AOAH: variants seen among roughly 807,000 people sequenced by gnomAD.
AOAH encodes acyloxyacyl hydrolase (neutrophil).
In AOAH, 64 loss-of-function variants were observed where a neutral mutation model predicts 92.2. The ratio of observed to expected loss-of-function variants is 0.69; its 90% CI spans 0.57 to 0.86. The LOEUF is 0.86. Ranked by LOEUF, AOAH falls within the 40% of genes least tolerant of loss-of-function variation. The probability of loss-of-function intolerance (pLI) is 0.00; values close to 1 mark genes in which losing one functional copy is unlikely to be tolerated. For synonymous variants in AOAH, 263 were observed against 254.5 expected (o/e 1.03, Z -0.32); for missense variants, 656 against 694.6 (o/e 0.94, Z 0.62).
chr7:36,600,941 T>C (rs757563370), intron 11 of AOAH, among the ~76,000 whole-genome samples: 90 of 152,200 alleles, frequency 5.9e-4, no homozygotes, highest in Admixed American at 3.7e-3. Flanking sequence ...AATGAATATT[T>C]TGGGGAAAAA....
At chr7:36,610,236 C>T (rs1328965253) in intron 11 of AOAH, among the ~76,000 whole-genome samples, 4 of 148,862 alleles carry the variant, frequency 2.7e-5, no homozygotes, top group Non-Finnish European at 4.4e-5. Flanking sequence ...TTGCATGGCC[C>T]CTGAAAAGGT....
chr7:36,536,085 T>C (rs1032476717), intron 16 of AOAH, among the ~76,000 whole-genome samples: 14 of 152,164 alleles, frequency 9.2e-5, no homozygotes, highest in Non-Finnish European at 1.6e-4. Context: ...CACCCCCTTG[T>C]CCCTGGCAGG....
chr7:36,589,670 T>A (rs991248355), intron 12 of AOAH, among the ~76,000 whole-genome samples: 47 of 152,346 alleles, frequency 3.1e-4, no homozygotes, highest in Middle Eastern at 3.4e-3. Flanking sequence ...GAATGCTAAA[T>A]GTTCCACCTG....
rs1021937855 is a variant in AOAH, at chr7:36,516,933, T to C, written c.1600-3553A>G. ...ACTCTAATAAGGAATAAAATATTTA[T>C]GAGCAGGCATTGAGAAAATATTGGG... On this transcript the variant is annotated intron_variant, in intron 20 of 20. Coordinates refer to ENST00000617537, the MANE Select transcript of AOAH (RefSeq NM_001637.4). The surrounding 1 kb of genome is among the most constrained non-coding windows in gnomAD (Gnocchi z 5.0). Among the ~76,000 whole-genome samples, 1 of 152,228 alleles carries C rather than the reference T, an allele frequency of 6.6e-6. No individual in the cohort carries two copies. Among genetic ancestry groups the C allele is most frequent in the African/African-American group, 2.4e-5 (1 of 41,448 alleles).
intron 11 of AOAH, among the ~76,000 whole-genome samples, chr7:36,609,263 A>G (rs1210540994): frequency 1.3e-5 from 2 of 152,144 alleles, no homozygotes; most frequent in Non-Finnish European, 2.9e-5. Flanking sequence ...TTACAACTAG[A>G]ATTTTCCTAG....
At chr7:36,627,040 C>A (rs1792713103) in intron 6 of AOAH, among the ~76,000 whole-genome samples, 1 of 152,200 alleles carries the variant, frequency 6.6e-6, no homozygotes. Context: ...AATGTTCATT[C>A]ATTCATTCCT....
At chr7:36,585,246 C>T (rs1428717422) in intron 12 of AOAH, among the ~76,000 whole-genome samples, 1 of 151,926 alleles carries the variant, frequency 6.6e-6, no homozygotes, top group African/African-American at 2.4e-5. Flanking sequence ...AGGACAAAGA[C>T]AACGGGCGAT....
chr7:36,606,299 A>G (rs1380485111), intron 11 of AOAH, among the ~76,000 whole-genome samples: 1 of 152,200 alleles, frequency 6.6e-6, no homozygotes, highest in Non-Finnish European at 1.5e-5. Context: ...AATCTGATAT[A>G]CAAAATCATC....
chr7:36,541,691 A>G (rs1213971883), intron 15 of AOAH, among the ~76,000 whole-genome samples: 2 of 152,240 alleles, frequency 1.3e-5, no homozygotes, highest in African/African-American at 2.4e-5. Flanking sequence ...GTACCCCCAT[A>G]TCTAAAATAC....
At chr7:36,709,930 G>T (rs764340653) in intron 1 of AOAH, among the ~76,000 whole-genome samples, 1 of 152,080 alleles carries the variant, frequency 6.6e-6, no homozygotes, top group Non-Finnish European at 1.5e-5. Context: ...TTCATCTATT[G>T]ATTTCTATTA....
At chr7:36,605,951 T>A (rs573750990) in intron 11 of AOAH, among the ~76,000 whole-genome samples, 4 of 152,346 alleles carry the variant, frequency 2.6e-5, no homozygotes, top group African/African-American at 9.6e-5. Context: ...GATTGAGGTT[T>A]CTCTCCTCAT....
At chr7:36,716,026 G>C (rs1184079349) in intron 1 of AOAH, among the ~76,000 whole-genome samples, 1 of 152,014 alleles carries the variant, frequency 6.6e-6, no homozygotes, top group Non-Finnish European at 1.5e-5. Flanking sequence ...ACTACCATCA[G>C]AGTGAACAGG....
At chr7:36,521,231 G>C (rs1267035116) in intron 20 of AOAH, among the ~76,000 whole-genome samples, 1 of 152,192 alleles carries the variant, frequency 6.6e-6, no homozygotes, top group Non-Finnish European at 1.5e-5. Context: ...GGAGCAGAAA[G>C]GCTCTAGTGA....
chr7:36,635,574 G>C (rs563604620), intron 5 of AOAH, among the ~76,000 whole-genome samples: 1 of 151,984 alleles, frequency 6.6e-6, no homozygotes, highest in African/African-American at 2.4e-5. Context: ...TCTATTGAGC[G>C]GGTGGGTTTG....
Position 36,594,381 on chromosome 7 carries a change from G to A in AOAH, c.896C>T (p.Pro299Leu). ...AAATCCTGTAGCACCAGAGAGTTGG[G>A]GCCAGTCAAGCTCGTTGGTAAGGGC... ...PTALTNELDW[P>L]QLSGATGFLD... The change falls in exon 12 of 21, where the codon CCC becomes CTC. Residue 299 changes from proline (P) to leucine (L), a missense_variant. Pro to Leu is a moderately conservative substitution (Grantham distance 98). Transcript: ENST00000617537. 1.2e-6 allele frequency: 2 copies of A among 1,614,038 alleles called. No homozygotes were observed. Among genetic ancestry groups the A allele is most frequent in the Non-Finnish European group, 1.7e-6 (2 of 1,179,938 alleles).
intron 11 of AOAH, among the ~76,000 whole-genome samples, chr7:36,616,015 C>G (rs1294531206): frequency 6.6e-6 from 1 of 152,148 alleles, no homozygotes; most frequent in Non-Finnish European, 1.5e-5. Context: ...CCTGCTCTGC[C>G]CAGAGCTTCT....
chr7:36,669,646 G>T (rs1358521228), intron 3 of AOAH, among the ~76,000 whole-genome samples: 4 of 152,144 alleles, frequency 2.6e-5, no homozygotes, highest in Non-Finnish European at 5.9e-5. Flanking sequence ...GCCTCCCAAA[G>T]TGCTGGGATT....
chr7:36,601,460 CCTT>C lies in AOAH; in HGVS notation c.847-7033_847-7031del, dbSNP rs564379805. ...ACTCCATACCAGGCAGCTGTGGGCT[CCTT>C]CTTCATGGGACTCACCGTCTAGAGG... On this transcript the variant is annotated intron_variant, in intron 11 of 20. Coordinates refer to ENST00000617537, the MANE Select transcript of AOAH (RefSeq NM_001637.4). 2.1e-3 allele frequency among the ~76,000 whole-genome samples: 316 copies of C among 152,254 alleles called. 1 individual carries two copies. The highest frequency in any genetic ancestry group is 7.2e-3 in the African/African-American group (300 of 41,542).
At chr7:36,515,511 C>CAAACACCACACA (rs571047326) in intron 20 of AOAH, among the ~76,000 whole-genome samples, 7 of 58,302 alleles carry the variant, frequency 1.2e-4, no homozygotes. Context: ...AAACACACCC[C>CAAACACCACACA]CAAACACCAC....
Sources: gnomAD v4.1 joint callset for allele counts (sites outside exome capture counted in the v4.1 genomes callset) on GRCh38, gnomAD v4.1.1 for gene constraint, Gnocchi (gnomAD v3.1) non-coding constraint, MANE v1.5 for transcripts, NCBI Gene and HGNC (gene_info 2026-07-23, HGNC 2026-07-21) for gene names.